The following CPXM2 variants were observed in gnomAD, a reference collection of about 807,000 sequenced individuals.
CPXM2 encodes the protein carboxypeptidase X, M14 family member 2, also known as inactive carboxypeptidase-like protein X2.
CPXM2 carries 66 observed loss-of-function variants against 86.1 expected under a neutral mutation model. The observed-to-expected ratio is 0.77, with a 90% confidence interval of 0.63 to 0.94. The LOEUF (loss-of-function observed/expected upper bound fraction) is 0.94. Ranked by LOEUF, CPXM2 falls within the 40% of genes least tolerant of loss-of-function variation. The probability of loss-of-function intolerance (pLI) is 0.00; values close to 1 mark genes in which losing one functional copy is unlikely to be tolerated. For synonymous variants in CPXM2, 388 were observed against 400.2 expected, an observed-to-expected ratio of 0.97 and a Z score of 0.36; for missense variants, 948 against 1,026.3, an observed-to-expected ratio of 0.92 and a Z score of 1.04.
chr10:123,907,453 C>T (rs954513730), intron 2 of CPXM2, among the ~76,000 whole-genome samples: 1 of 152,198 alleles, frequency 6.6e-6, no homozygotes, highest in Non-Finnish European at 1.5e-5. Flanking sequence ...GCGGGGCCCT[C>T]GCAGCGTCCT....
upstream of CPXM2, among the ~76,000 whole-genome samples, chr10:123,944,102 G>A (rs759337204): frequency 8.5e-5 from 13 of 152,170 alleles, no homozygotes; most frequent in Non-Finnish European, 1.6e-4. Context: ...GGGGTGTGAG[G>A]CTGAGCTGGG....
chr10:123,881,927 G>T (rs1945099786), intron 1 of CPXM2, among the ~76,000 whole-genome samples: 1 of 152,242 alleles, frequency 6.6e-6, no homozygotes, highest in Non-Finnish European at 1.5e-5. Context: ...ATGCACGAAT[G>T]AACAAATGAA....
intron 13 of CPXM2, chr10:123,750,942 C>T (rs1846059417): frequency 1.0e-6 from 1 of 985,476 alleles, no homozygotes; most frequent in Non-Finnish European, 1.2e-6. Flanking sequence ...GAATCACTCA[C>T]ATTATGAAAA....
At chr10:123,876,048 C>G (rs748481862) in intron 2 of CPXM2, among the ~76,000 whole-genome samples, 8 of 152,010 alleles carry the variant, frequency 5.3e-5, no homozygotes, top group Non-Finnish European at 1.0e-4. Flanking sequence ...AACTCCTTAC[C>G]TCAGGTGATC....
chr10:123,859,755 C>G (rs947680301), intron 3 of CPXM2, among the ~76,000 whole-genome samples: 1 of 152,230 alleles, frequency 6.6e-6, no homozygotes, highest in African/African-American at 2.4e-5. Flanking sequence ...CCTTTTCACC[C>G]TGACCACAGG....
chr10:123,892,634 A>G (rs140037100), upstream of CPXM2, among the ~76,000 whole-genome samples: 47 of 152,336 alleles, frequency 3.1e-4, no homozygotes, highest in East Asian at 7.5e-3. Flanking sequence ...AACAACACCT[A>G]TCTCACAGCT....
intron 2 of CPXM2, among the ~76,000 whole-genome samples, chr10:123,866,348 G>A (rs1323080436): frequency 1.3e-5 from 2 of 152,106 alleles, no homozygotes; most frequent in African/African-American, 4.8e-5. Context: ...TGGATCAATT[G>A]AGGTCAGGAT....
chr10:123,912,031 G>T (rs1279054846), intron 2 of CPXM2, among the ~76,000 whole-genome samples: 2 of 152,036 alleles, frequency 1.3e-5, no homozygotes, highest in Admixed American at 1.3e-4. Context: ...GGACCAAGCG[G>T]GTGACTTGCG....
At chr10:123,783,575 G>A (rs989573152) in intron 6 of CPXM2, among the ~76,000 whole-genome samples, 3 of 152,202 alleles carry the variant, frequency 2.0e-5, no homozygotes, top group Non-Finnish European at 4.4e-5. Context: ...AGTGGGAGGT[G>A]TGTGTGGCCA....
chr10:123,860,077 T>C (rs537150160), intron 3 of CPXM2, among the ~76,000 whole-genome samples: 11 of 152,126 alleles, frequency 7.2e-5, no homozygotes, highest in South Asian at 4.1e-4. Flanking sequence ...ACATCTAACA[T>C]GGGGCTTACT....
rs938074443 is a variant in CPXM2, at chr10:123,751,417, T to C, written c.2017+3246A>G. Reference sequence around the variant, plus strand: ...ATCTACCCTTTGCCCTTCCGAAGTTTTGCAAAACGTCCTGACCTTCTAAGA... The same window carrying C: ...ATCTACCCTTTGCCCTTCCGAAGTTCTGCAAAACGTCCTGACCTTCTAAGA... On this transcript the variant is annotated intron_variant, in intron 13 of 13. Transcript: ENST00000241305. The C allele has an allele frequency of 3.4e-5, 26 of 766,632 alleles. 1 individual carries two copies. The highest frequency in any genetic ancestry group is 4.1e-5 in the Non-Finnish European group (26 of 630,362). 47.5% of individuals were successfully genotyped at this position (766,632 alleles called of 1,614,324 possible). A position where few individuals can be genotyped will look rare whatever the true frequency, so the allele number is the denominator to read the frequency against.
intron 3 of CPXM2, among the ~76,000 whole-genome samples, chr10:123,845,411 A>T (rs1032495994): frequency 1.3e-5 from 2 of 152,154 alleles, no homozygotes; most frequent in Admixed American, 1.3e-4. Context: ...TGATTTCATG[A>T]AACAAGAACA....
chr10:123,754,884 C>A lies in CPXM2; in HGVS notation c.1918-122G>T, dbSNP rs112102125. The A allele has an allele frequency of 1.5e-6, 1 of 678,756 alleles. No homozygotes were observed. Among genetic ancestry groups the A allele is most frequent in the South Asian group, 1.7e-5 (1 of 58,430 alleles). The allele number at this position is 678,756 out of a possible 1,614,324, so 42.0% of individuals were successfully genotyped here. A position where few individuals can be genotyped will look rare whatever the true frequency, so the allele number is the denominator to read the frequency against. ...CCCACCAAGAACTCACACAGCACCA[C>A]GTCTTGCTCAGAAGGCTTGGAACCG... is the stretch of plus-strand genomic sequence containing the variant. On this transcript the variant is annotated intron_variant, in intron 12 of 13. Coordinates refer to ENST00000241305, the MANE Select transcript of CPXM2 (RefSeq NM_198148.3). This position sits in a 1 kb window ranked among gnomAD's most constrained non-coding sequence, Gnocchi z 4.0.
chr10:123,905,859 C>T (rs1423530966), intron 2 of CPXM2, among the ~76,000 whole-genome samples: 3 of 152,130 alleles, frequency 2.0e-5, no homozygotes, highest in Admixed American at 1.3e-4. Context: ...CTGCCTTTGC[C>T]ATCTCCCCCT....
Position 123,770,973 on chromosome 10 carries a change from G to C in CPXM2, c.1045C>G (p.Gln349Glu). The C allele has an allele frequency of 6.2e-7, 1 of 1,613,980 alleles. No individual in the cohort carries two copies. The highest frequency in any genetic ancestry group is 8.5e-7 in the Non-Finnish European group (1 of 1,179,846). The stretch of plus-strand genomic sequence containing the variant: ...TCCACAGCATACAGCTTCAGGCCCT[G>C]GTGGCTTTTTCCAATGTTGTAAATT... ...TRIYNIGKSH[Q>E]GLKLYAVEIS... Residue 349 changes from glutamine (Q) to glutamate (E), a missense_variant, in exon 8 of 14, where the codon CAG becomes GAG. Coordinates refer to ENST00000241305, the MANE Select transcript of CPXM2 (RefSeq NM_198148.3).
chr10:123,808,468 C>T (rs1847626942), intron 4 of CPXM2, among the ~76,000 whole-genome samples: 2 of 152,114 alleles, frequency 1.3e-5, no homozygotes, highest in Admixed American at 1.3e-4. Context: ...GAAAATGCAT[C>T]TAACAGTGCC....
At chr10:123,913,841 T>C (rs565081520) in intron 2 of CPXM2, 4 of 362,334 alleles carry the variant, frequency 1.1e-5, no homozygotes, top group African/African-American at 2.1e-5. Flanking sequence ...ACCGGATCTG[T>C]GGCATACTTC....
At chr10:123,927,916 G>A (rs1043941900) in intron 2 of CPXM2, among the ~76,000 whole-genome samples, 2 of 152,182 alleles carry the variant, frequency 1.3e-5, no homozygotes, top group Non-Finnish European at 2.9e-5. Context: ...TTGGGGGTAG[G>A]TACCAGGCAC....
chr10:123,823,860 A>G (rs1353195414), intron 4 of CPXM2, among the ~76,000 whole-genome samples: 1 of 152,228 alleles, frequency 6.6e-6, no homozygotes, highest in Non-Finnish European at 1.5e-5. Flanking sequence ...TGGGTTTGCA[A>G]TTGTTGTCTT....
Sources: allele counts gnomAD v4.1 joint callset (sites outside exome capture counted in the v4.1 genomes callset), GRCh38; gene constraint gnomAD v4.1.1; non-coding constraint Gnocchi (gnomAD v3.1); transcripts MANE v1.5; gene names NCBI Gene and HGNC (gene_info 2026-07-23, HGNC 2026-07-21).